KCNC2: variants seen among roughly 807,000 people sequenced by gnomAD.
The protein encoded by KCNC2 is potassium voltage-gated channel subfamily C member 2, also known as voltage-gated potassium channel KCNC2.
KCNC2 carries 21 observed loss-of-function variants against 44.5 expected under a neutral mutation model. That is an observed-to-expected ratio of 0.47 (90% CI 0.33 to 0.68). The LOEUF (loss-of-function observed/expected upper bound fraction) is 0.68, where lower values mean the gene tolerates loss of function less well. KCNC2 is among the 30% of genes least tolerant of loss of function. The pLI, the probability that KCNC2 is intolerant of heterozygous loss-of-function variation, is 0.01. For missense variants in KCNC2, 589 were observed against 826.2 expected (o/e 0.71, Z 3.52); for synonymous variants, 391 against 339.1 (o/e 1.15, Z -1.68).
At chr12:75,194,611 A>T (rs2030596589) in intron 2 of KCNC2, among the ~76,000 whole-genome samples, 1 of 152,210 alleles carries the variant, frequency 6.6e-6, no homozygotes, top group African/African-American at 2.4e-5. Context: ...GTGACGTGGA[A>T]ACTCAGAGAG....
chr12:75,043,325 T>C, intron 4 of KCNC2, 84 bp from the exon 5 acceptor site: 1 of 1,521,312 alleles, frequency 6.6e-7, no homozygotes, highest in Admixed American at 2.2e-5. Flanking sequence ...CAATCAAAAG[T>C]GCTACTTTCA....
chr12:75,134,922 G>A (rs976734862), intron 2 of KCNC2, among the ~76,000 whole-genome samples: 4 of 151,848 alleles, frequency 2.6e-5, no homozygotes, highest in Non-Finnish European at 5.9e-5. Flanking sequence ...TATCTCCATA[G>A]CTAGTCTGAT....
chr12:75,157,602 A>G (rs983254799), intron 2 of KCNC2, among the ~76,000 whole-genome samples: 2 of 151,908 alleles, frequency 1.3e-5, no homozygotes, highest in African/African-American at 4.8e-5. Context: ...TGTTTGAGTC[A>G]TTTGTGCCTG....
chr12:75,197,930 T>G (rs562596986), intron 2 of KCNC2, among the ~76,000 whole-genome samples: 10 of 151,788 alleles, frequency 6.6e-5, no homozygotes, highest in Non-Finnish European at 1.3e-4. Context: ...ATTGAATCAA[T>G]GATGAAAAAA....
intron 2 of KCNC2, among the ~76,000 whole-genome samples, chr12:75,192,647 T>C (rs574003865): frequency 6.6e-6 from 1 of 152,310 alleles, no homozygotes; most frequent in African/African-American, 2.4e-5. Flanking sequence ...AGGCTTCTAA[T>C]TTTCTCAGTA....
At position 75,048,397 on chromosome 12, in the gene KCNC2, G is replaced by A. The variant is rs79019246; in HGVS notation, c.1616-80C>T. On this transcript the variant is annotated intron_variant, in intron 3 of 4. Coordinates refer to ENST00000549446, the MANE Select transcript of KCNC2 (RefSeq NM_139137.4). ...GTACAAAGAGTTTACACAGAATGCC[G>A]GTAGTCCAGTCACTCGATATACAAC... 2,348 of 1,172,916 alleles carry A rather than the reference G, an allele frequency of 2.0e-3. 30 individuals carry two copies. In the African/African-American group the frequency reaches 0.032, roughly 16 times the overall value. 72.7% of individuals were successfully genotyped at this position (1,172,916 alleles called of 1,614,324 possible).
intron 2 of KCNC2, among the ~76,000 whole-genome samples, chr12:75,198,740 C>T (rs1289264969): frequency 1.3e-5 from 2 of 151,634 alleles, no homozygotes; most frequent in Non-Finnish European, 3.0e-5. Flanking sequence ...CTTAAAAGTA[C>T]CAAAATCAAG....
chr12:75,108,763 G>T (rs1886989254), intron 2 of KCNC2, among the ~76,000 whole-genome samples: 1 of 152,138 alleles, frequency 6.6e-6, no homozygotes, highest in African/African-American at 2.4e-5. Context: ...TAGTTTCAAG[G>T]CTAAGATAGT....
chr12:75,111,489 CA>C (rs1887237913), intron 2 of KCNC2, among the ~76,000 whole-genome samples: 1 of 151,808 alleles, frequency 6.6e-6, no homozygotes, highest in South Asian at 2.1e-4. Flanking sequence ...AAGAATATGC[CA>C]AAGAGTAGAA....
chr12:75,180,604 G>T (rs191474477), intron 2 of KCNC2, among the ~76,000 whole-genome samples: 5 of 151,456 alleles, frequency 3.3e-5, no homozygotes, highest in Admixed American at 3.3e-4. Context: ...CCTGATTTTG[G>T]TAGATCAATA....
At chr12:75,090,657 C>T (rs1287524763) in intron 2 of KCNC2, among the ~76,000 whole-genome samples, 1 of 151,632 alleles carries the variant, frequency 6.6e-6, no homozygotes, top group African/African-American at 2.4e-5. Context: ...GAATATAAAT[C>T]CATGTCTTTG....
At chr12:75,057,052 CA>C (rs1297006350) in intron 2 of KCNC2, among the ~76,000 whole-genome samples, 4 of 151,826 alleles carry the variant, frequency 2.6e-5, no homozygotes, top group Admixed American at 6.6e-5. Flanking sequence ...AAATTCTCTA[CA>C]AAAAACTTTA....
chr12:75,167,039 G>A (rs1034751412), intron 2 of KCNC2, among the ~76,000 whole-genome samples: 3 of 151,084 alleles, frequency 2.0e-5, no homozygotes, highest in African/African-American at 7.3e-5. Context: ...AAGCCTAACT[G>A]AACTTACTAA....
rs189630280 is a variant in KCNC2, at chr12:75,041,221, A to T, written c.*1884T>A. The T allele has an allele frequency of 1.1e-5, 18 of 1,595,276 alleles. No individual in the cohort carries two copies. Among genetic ancestry groups the T allele is most frequent in the Non-Finnish European group, 1.1e-5 (13 of 1,177,680 alleles). On this transcript the variant is annotated 3_prime_UTR_variant, in exon 5 of 5. Coordinates refer to ENST00000549446, the MANE Select transcript of KCNC2 (RefSeq NM_139137.4). ...TCTGTACAACACTGTAGTCAATAAC[A>T]GCAGCACCAGACAGCATATTAATTC...
rs200758140 is a variant in KCNC2, at chr12:75,207,381, G to C, written c.603C>G (p.Pro201=). The change falls in exon 2 of 5, where the codon CCC becomes CCG. Residue 201 remains proline (P), a synonymous_variant. Coordinates refer to ENST00000549446, the MANE Select transcript of KCNC2 (RefSeq NM_139137.4). The surrounding 1 kb of genome is among the most constrained non-coding windows in gnomAD (Gnocchi z 4.1). ...TCCTCCAGCGGCCAGATTTGCCGTC[G>C]GGGCCCCCGAGCCCCGCCGCGTCCT... is the stretch of plus-strand genomic sequence containing the variant. The part of the protein sequence containing the change: ...GIEDAAGLGG[P]DGKSGRWRRL... 5.7e-6 allele frequency: 9 copies of C among 1,580,486 alleles called. No homozygotes were observed. Among genetic ancestry groups the C allele is most frequent in the African/African-American group, 1.4e-5 (1 of 73,614 alleles).
intron 2 of KCNC2, among the ~76,000 whole-genome samples, chr12:75,086,681 A>AAAAAATATATATAT (rs1206456289): frequency 1.5e-4 from 8 of 54,202 alleles, no homozygotes; most frequent in Non-Finnish European, 2.5e-4. Context: ...AAAAAAAAAA[A>AAAAAATATATATAT]ATATATATAT....
At chr12:75,161,636 C>T (rs1183453466) in intron 2 of KCNC2, among the ~76,000 whole-genome samples, 1 of 151,652 alleles carries the variant, frequency 6.6e-6, no homozygotes, top group Non-Finnish European at 1.5e-5. Flanking sequence ...ATTTCTGGCC[C>T]AGTAAGTTTT....
intron 2 of KCNC2, among the ~76,000 whole-genome samples, chr12:75,109,552 C>T (rs887316560): frequency 3.9e-5 from 6 of 152,184 alleles, no homozygotes; most frequent in Non-Finnish European, 8.8e-5. Context: ...AAGGCTTGCG[C>T]TGCACCCCAG....
intron 2 of KCNC2, among the ~76,000 whole-genome samples, chr12:75,192,304 A>T (rs1050862714): frequency 6.6e-6 from 1 of 152,190 alleles, no homozygotes; most frequent in Non-Finnish European, 1.5e-5. Flanking sequence ...TTTCCCTGTA[A>T]TTAGCAGGAC....
Sources: gnomAD v4.1 joint callset for allele counts (sites outside exome capture counted in the v4.1 genomes callset) on GRCh38, gnomAD v4.1.1 for gene constraint, Gnocchi (gnomAD v3.1) non-coding constraint, MANE v1.5 for transcripts, NCBI Gene and HGNC (gene_info 2026-07-23, HGNC 2026-07-21) for gene names.